Variants in CREBRF observed in about 807,000 individuals in gnomAD.
CREBRF encodes the protein CREB3 regulatory factor.
A neutral mutation model predicts 66.1 loss-of-function variants in CREBRF; 5 were observed. That is an observed-to-expected ratio of 0.08 (90% CI 0.04 to 0.16). The LOEUF (loss-of-function observed/expected upper bound fraction) is 0.16. Among genes scored for constraint, CREBRF ranks in the 10% least tolerant of loss-of-function variants. CREBRF has a pLI of 1.00. For missense variants in CREBRF, 531 were observed against 744.9 expected (o/e 0.71, Z 3.34); for synonymous variants, 229 against 264.4 (o/e 0.87, Z 1.30).
chr5:173,061,006 C>T (rs940442994), intron 1 of CREBRF, among the ~76,000 whole-genome samples: 1 of 152,116 alleles, frequency 6.6e-6, no homozygotes, highest in African/African-American at 2.4e-5. Context: ...CTAGTTCTGT[C>T]CCCCCTGCTG....
intron 1 of CREBRF, among the ~76,000 whole-genome samples, chr5:173,061,418 T>G (rs571474436): frequency 6.6e-5 from 10 of 152,360 alleles, no homozygotes; most frequent in African/African-American, 2.2e-4. Flanking sequence ...TATTTTGTAT[T>G]TTTCCTTCGT....
chr5:173,061,649 CTTATA>C (rs1757277150), intron 1 of CREBRF, among the ~76,000 whole-genome samples: 2 of 152,244 alleles, frequency 1.3e-5, no homozygotes, highest in South Asian at 4.1e-4. Flanking sequence ...ACATGTAGTT[CTTATA>C]TTCAAATATG....
At chr5:173,064,206 C>T (rs1757366641) in intron 1 of CREBRF, among the ~76,000 whole-genome samples, 1 of 151,910 alleles carries the variant, frequency 6.6e-6, no homozygotes, top group Non-Finnish European at 1.5e-5. Context: ...GCTGCCTTTT[C>T]TATTATAGGT....
intron 1 of CREBRF, among the ~76,000 whole-genome samples, chr5:173,076,112 C>T (rs1245535134): frequency 6.6e-6 from 1 of 150,700 alleles, no homozygotes; most frequent in African/African-American, 2.4e-5. Flanking sequence ...ATTTATTTGG[C>T]TCATGATTCT....
At chr5:173,130,014 G>A (rs531008207) in intron 8 of CREBRF, among the ~76,000 whole-genome samples, 29 of 151,976 alleles carry the variant, frequency 1.9e-4, no homozygotes, top group African/African-American at 5.1e-4. Flanking sequence ...TAGTAGAGAC[G>A]GGGTTTCACC....
At chr5:173,071,465 C>T (rs1757597477) in intron 1 of CREBRF, among the ~76,000 whole-genome samples, 1 of 152,014 alleles carries the variant, frequency 6.6e-6, no homozygotes, top group Non-Finnish European at 1.5e-5. Flanking sequence ...CCATCTTGGC[C>T]TCCCAAAGTG....
intron 4 of CREBRF, among the ~76,000 whole-genome samples, chr5:173,108,390 A>G (rs961159299): frequency 6.6e-6 from 1 of 152,158 alleles, no homozygotes; most frequent in Admixed American, 6.5e-5. Context: ...AAAGAAACCC[A>G]AGGAAGATGA....
At chr5:173,112,443 CT>C in intron 7 of CREBRF, 64 bp downstream of exon 7, 1 of 1,177,742 alleles carries the variant, frequency 8.5e-7, no homozygotes, top group Non-Finnish European at 1.2e-6. Flanking sequence ...TCTCTCTTTT[CT>C]TTGGTTTGTG....
At chr5:173,120,917 T>C (rs1759125117) in intron 7 of CREBRF, among the ~76,000 whole-genome samples, 1 of 151,930 alleles carries the variant, frequency 6.6e-6, no homozygotes, top group Admixed American at 6.6e-5. Flanking sequence ...GGTCTTGAAC[T>C]TCTGATCTGG....
intron 4 of CREBRF, among the ~76,000 whole-genome samples, chr5:173,106,739 AT>A (rs1237965107): frequency 6.7e-6 from 1 of 149,072 alleles, no homozygotes; most frequent in Admixed American, 6.7e-5. Context: ...CTTCTATTTT[AT>A]TTTATTTTAT....
intron 4 of CREBRF, among the ~76,000 whole-genome samples, chr5:173,104,083 G>C (rs963796160): frequency 6.6e-6 from 1 of 152,162 alleles, no homozygotes; most frequent in Admixed American, 6.5e-5. Flanking sequence ...TGGCTATACA[G>C]AGATGAAAAA....
chr5:173,110,846 T>A, intron 6 of CREBRF, 135 bp downstream of exon 6: 1 of 659,030 alleles, frequency 1.5e-6, no homozygotes, highest in Non-Finnish European at 2.3e-6. Context: ...TATTATAATT[T>A]TTCTTTTGAA....
chr5:173,101,244 A>T (rs1255131756), intron 4 of CREBRF, among the ~76,000 whole-genome samples: 1 of 151,586 alleles, frequency 6.6e-6, no homozygotes, highest in Non-Finnish European at 1.5e-5. Flanking sequence ...TTTTGTAGAG[A>T]TGGGGTTTTA....
At chr5:173,067,873 A>G (rs393562) in intron 1 of CREBRF, among the ~76,000 whole-genome samples, 149,436 of 151,976 alleles carry the variant, frequency 0.98, 73,475 homozygotes, top group Middle Eastern at 1. Context: ...GGTGGCGGGC[A>G]CCTGTAGTCC....
intron 4 of CREBRF, among the ~76,000 whole-genome samples, chr5:173,100,551 G>A (rs1474423764): frequency 6.6e-6 from 1 of 151,846 alleles, no homozygotes; most frequent in Non-Finnish European, 1.5e-5. Flanking sequence ...AGCCTCCTGA[G>A]TAGCTGAGAT....
intron 4 of CREBRF, among the ~76,000 whole-genome samples, chr5:173,099,560 AGG>A (rs1371489651): frequency 2.0e-5 from 3 of 152,164 alleles, no homozygotes; most frequent in Non-Finnish European, 4.4e-5. Context: ...GGGTATTGAT[AGG>A]TAAGGATTTA....
intron 2 of CREBRF, chr5:173,085,310 T>C: frequency 1.2e-6 from 1 of 857,504 alleles, no homozygotes; most frequent in East Asian, 2.5e-5. Flanking sequence ...ACACCAGCTA[T>C]GCAGAAAGGG....
intron 4 of CREBRF, among the ~76,000 whole-genome samples, chr5:173,098,695 T>G (rs1561807694): frequency 1.3e-5 from 2 of 152,130 alleles, no homozygotes; most frequent in Non-Finnish European, 2.9e-5. Flanking sequence ...AATGGAGTGT[T>G]GAAGTCCCCT....
At chr5:173,057,610 C>T (rs1489200229) in intron 1 of CREBRF, 1 of 152,376 alleles carries the variant, frequency 6.6e-6, no homozygotes, top group Non-Finnish European at 1.5e-5. Context: ...CTGTAATCGC[C>T]CTCCTTTAAC....
Sources: allele counts gnomAD v4.1 joint callset (sites outside exome capture counted in the v4.1 genomes callset), GRCh38; gene constraint gnomAD v4.1.1; transcripts MANE v1.5; gene names NCBI Gene and HGNC (gene_info 2026-07-23, HGNC 2026-07-21).